The following THSD7A variants were observed in gnomAD, a reference collection of about 807,000 sequenced individuals.
The protein encoded by THSD7A is thrombospondin type-1 domain-containing protein 7A.
A neutral mutation model predicts 231.3 loss-of-function variants in THSD7A; 96 were observed. That is an observed-to-expected ratio of 0.41 (90% CI 0.35 to 0.49). The LOEUF is 0.49. Among genes scored for constraint, THSD7A ranks in the 20% least tolerant of loss-of-function variants. THSD7A has a pLI of 0.05. For missense variants in THSD7A, 2,290 were observed against 2,070.2 expected (o/e 1.11, Z -2.06); for synonymous variants, 940 against 743.3 (o/e 1.26, Z -4.30).
chr7:11,541,335 G>T, intron 6 of THSD7A, 84 bp downstream of exon 6: 1 of 1,308,612 alleles, frequency 7.6e-7, no homozygotes, highest in Non-Finnish European at 1.1e-6. Context: ...TATAATGCGA[G>T]AAGACACAGG....
At chr7:11,667,165 G>A (rs1384560255) in intron 1 of THSD7A, among the ~76,000 whole-genome samples, 1 of 151,936 alleles carries the variant, frequency 6.6e-6, no homozygotes, top group Non-Finnish European at 1.5e-5. Context: ...CCTGAGCAGT[G>A]TACACTATAC....
chr7:11,608,913 T>A (rs1780827882), intron 2 of THSD7A, among the ~76,000 whole-genome samples: 1 of 152,194 alleles, frequency 6.6e-6, no homozygotes, highest in Non-Finnish European at 1.5e-5. Context: ...CTGTCAATTC[T>A]CCTGTATGTA....
At chr7:11,736,977 G>T (rs1781938189) in intron 1 of THSD7A, among the ~76,000 whole-genome samples, 1 of 151,726 alleles carries the variant, frequency 6.6e-6, no homozygotes, top group African/African-American at 2.4e-5. Context: ...TCCTTCTCTG[G>T]GCTCTCATTC....
chr7:11,504,758 A>G (rs1225478932), intron 6 of THSD7A, among the ~76,000 whole-genome samples: 1 of 152,150 alleles, frequency 6.6e-6, no homozygotes, highest in Non-Finnish European at 1.5e-5. Context: ...AATCAATTCC[A>G]CCATCCATTT....
At chr7:11,635,215 C>T (rs2128359644) in intron 2 of THSD7A, among the ~76,000 whole-genome samples, 1 of 152,266 alleles carries the variant, frequency 6.6e-6, no homozygotes, top group East Asian at 1.9e-4. Context: ...CTTTCAATAT[C>T]ATTTCTACAG....
chr7:11,641,563 C>T (rs950748779), intron 1 of THSD7A, among the ~76,000 whole-genome samples: 8 of 151,998 alleles, frequency 5.3e-5, no homozygotes, highest in Non-Finnish European at 1.2e-4. Flanking sequence ...TAACCAGCTA[C>T]TCACAGATAA....
intron 24 of THSD7A, 48 bp downstream of exon 24, chr7:11,382,473 T>A: frequency 7.1e-7 from 1 of 1,404,866 alleles, no homozygotes; most frequent in Non-Finnish European, 1.0e-6. Flanking sequence ...CAATCACATG[T>A]GTGTTACAGG....
intron 1 of THSD7A, among the ~76,000 whole-genome samples, chr7:11,807,223 C>T (rs1241064013): frequency 6.6e-6 from 1 of 152,060 alleles, no homozygotes; most frequent in Non-Finnish European, 1.5e-5. Flanking sequence ...GGGTAGATGC[C>T]ATAGGGATCA....
intron 4 of THSD7A, among the ~76,000 whole-genome samples, chr7:11,578,661 G>A (rs529336931): frequency 3.3e-5 from 5 of 152,240 alleles, no homozygotes; most frequent in African/African-American, 1.2e-4. Context: ...TACAGGCTTT[G>A]GATAAAGGAA....
chr7:11,540,568 C>T (rs2128322328), intron 6 of THSD7A, among the ~76,000 whole-genome samples: 1 of 152,292 alleles, frequency 6.6e-6, no homozygotes, highest in Admixed American at 6.5e-5. Flanking sequence ...CTCTGATGTG[C>T]AGAGTCATAG....
intron 11 of THSD7A, among the ~76,000 whole-genome samples, chr7:11,453,459 C>T (rs1583770465): frequency 2.0e-5 from 3 of 151,622 alleles, no homozygotes; most frequent in Admixed American, 2.0e-4. Context: ...TTTTTGTGGT[C>T]TAGATTCAAG....
chr7:11,717,527 C>CCTTTTT (rs1781182311), intron 1 of THSD7A, among the ~76,000 whole-genome samples: 1 of 151,530 alleles, frequency 6.6e-6, no homozygotes, highest in African/African-American at 2.4e-5. Context: ...CCAGAAAGGC[C>CCTTTTT]CTTTTTCTTT....
At chr7:11,816,097 T>C (rs746425578) in intron 1 of THSD7A, among the ~76,000 whole-genome samples, 2 of 152,202 alleles carry the variant, frequency 1.3e-5, no homozygotes, top group Non-Finnish European at 2.9e-5. Flanking sequence ...TTTACATCCA[T>C]ATATGTTTCT....
intron 1 of THSD7A, among the ~76,000 whole-genome samples, chr7:11,725,188 C>A (rs1020355909): frequency 6.6e-6 from 1 of 151,924 alleles, no homozygotes; most frequent in East Asian, 1.9e-4. Flanking sequence ...ACAACCAAAA[C>A]AATTAATTAA....
At chr7:11,763,294 C>A in intron 1 of THSD7A, among the ~76,000 whole-genome samples, 1 of 152,146 alleles carries the variant, frequency 6.6e-6, no homozygotes, top group East Asian at 1.9e-4. Context: ...CCTCATCTAC[C>A]TTACCAACTC....
chr7:11,481,088 C>A (rs1786404611), intron 7 of THSD7A, among the ~76,000 whole-genome samples: 1 of 152,100 alleles, frequency 6.6e-6, no homozygotes, highest in African/African-American at 2.4e-5. Context: ...ATTACCCAGT[C>A]ACACAGAAGC....
chr7:11,693,170 G>A (rs988285441), intron 1 of THSD7A, among the ~76,000 whole-genome samples: 3 of 151,516 alleles, frequency 2.0e-5, no homozygotes, highest in Non-Finnish European at 4.4e-5. Context: ...GAAAAAAATA[G>A]TAGAATTGCA....
At chr7:11,752,390 A>G (rs1458005549) in intron 1 of THSD7A, among the ~76,000 whole-genome samples, 1 of 151,954 alleles carries the variant, frequency 6.6e-6, no homozygotes, top group Non-Finnish European at 1.5e-5. Flanking sequence ...TCTACAATTT[A>G]TACTTTTCTA....
At chr7:11,661,893 GT>G (rs1782944275) in intron 1 of THSD7A, among the ~76,000 whole-genome samples, 1 of 151,184 alleles carries the variant, frequency 6.6e-6, no homozygotes, top group Admixed American at 6.6e-5. Context: ...CAGAGGCAGA[GT>G]TTTAAGGTCC....
Sources: allele counts gnomAD v4.1 joint callset (sites outside exome capture counted in the v4.1 genomes callset), GRCh38; gene constraint gnomAD v4.1.1; transcripts MANE v1.5; gene names NCBI Gene and HGNC (gene_info 2026-07-23, HGNC 2026-07-21).